Variants in KCNMA1 observed in about 807,000 individuals in gnomAD.
KCNMA1 encodes potassium calcium-activated channel subfamily M alpha 1.
A neutral mutation model predicts 140.0 loss-of-function variants in KCNMA1; 29 were observed. That is an observed-to-expected ratio of 0.21 (90% CI 0.15 to 0.28). KCNMA1 has a LOEUF of 0.28. Among genes scored for constraint, KCNMA1 ranks in the 10% least tolerant of loss-of-function variants. The pLI is 1.00. For synonymous variants in KCNMA1, 612 were observed against 611.9 expected, an observed-to-expected ratio of 1.00 and a Z score of 0.00; for missense variants, 880 against 1,602.2, an observed-to-expected ratio of 0.55 and a Z score of 7.70.
intron 1 of KCNMA1, among the ~76,000 whole-genome samples, chr10:77,437,124 A>G (rs2097282353): frequency 6.6e-6 from 1 of 152,136 alleles, no homozygotes; most frequent in East Asian, 1.9e-4. Context: ...CTTGACCACC[A>G]GACAGAGCAC....
intron 2 of KCNMA1, among the ~76,000 whole-genome samples, chr10:77,283,096 G>C (rs796330688): frequency 1.3e-5 from 2 of 152,278 alleles, no homozygotes; most frequent in Admixed American, 6.5e-5. Flanking sequence ...CCTTTACCTA[G>C]TTTTTGGTGC....
At chr10:76,972,904 G>T (rs141496140) in intron 19 of KCNMA1, 1 of 152,120 alleles carries the variant, frequency 6.6e-6, no homozygotes, top group African/African-American at 2.4e-5. Flanking sequence ...CCTTTATATG[G>T]ATCCTATCAA....
intron 14 of KCNMA1, among the ~76,000 whole-genome samples, chr10:77,059,737 A>G (rs1339398832): frequency 6.6e-6 from 1 of 152,172 alleles, no homozygotes; most frequent in African/African-American, 2.4e-5. Context: ...TCTACAAAAC[A>G]TCTATAGTTC....
At chr10:77,473,137 A>G (rs2098202372) in intron 1 of KCNMA1, among the ~76,000 whole-genome samples, 1 of 152,182 alleles carries the variant, frequency 6.6e-6, no homozygotes, top group African/African-American at 2.4e-5. Flanking sequence ...CCCTGATTCC[A>G]AAGTGCAGGT....
At chr10:77,339,200 T>A (rs1472291311) in intron 2 of KCNMA1, among the ~76,000 whole-genome samples, 1 of 151,982 alleles carries the variant, frequency 6.6e-6, no homozygotes, top group Non-Finnish European at 1.5e-5. Context: ...GGCAGGCTCT[T>A]CCATGCCCAT....
chr10:77,089,396 C>G (rs1436404479), intron 10 of KCNMA1, among the ~76,000 whole-genome samples: 4 of 152,126 alleles, frequency 2.6e-5, no homozygotes, highest in Non-Finnish European at 1.5e-5. Context: ...CCATGACAGC[C>G]CCATCTCCAT....
Position 76,887,303 on chromosome 10 carries a change from C to G in KCNMA1, c.3674G>C (p.Arg1225Pro). The G allele has an allele frequency of 3.7e-6, 6 of 1,614,084 alleles. No homozygotes were observed. Among genetic ancestry groups the G allele is most frequent in the Non-Finnish European group, 5.1e-6 (6 of 1,180,010 alleles). ...RQNRPKSRESRDKQKYVQEER... is the reference protein window; with the variant it reads ...RQNRPKSRESPDKQKYVQEER... The stretch of plus-strand genomic sequence containing the variant: ...TTCCTGCACGTACTTCTGTTTGTCC[C>G]GGGACTCCCTGGACTTGGGCCGGTT... The change falls in exon 28 of 28, where the codon CGG becomes CCG. Residue 1225 changes from arginine (R) to proline (P), a missense_variant. By Grantham distance (103) the Arg-to-Pro change is moderately radical. Around this residue, in one of 13 missense-constraint regions of KCNMA1, gnomAD observed 115 missense variants for 139.9 expected, o/e 0.82. Coordinates refer to ENST00000286628, the MANE Select transcript of KCNMA1 (RefSeq NM_001161352.2).
chr10:77,280,949 A>C (rs1470633955), intron 2 of KCNMA1, among the ~76,000 whole-genome samples: 1 of 152,188 alleles, frequency 6.6e-6, no homozygotes, highest in Non-Finnish European at 1.5e-5. Context: ...GTGAAAATTA[A>C]TTTTTAATAC....
At chr10:76,964,396 T>C (rs1302999581) in intron 20 of KCNMA1, among the ~76,000 whole-genome samples, 4 of 152,172 alleles carry the variant, frequency 2.6e-5, no homozygotes, top group Admixed American at 2.6e-4. Context: ...TCATCAGTCC[T>C]ACAGGAGGTT....
chr10:76,920,707 C>T (rs1413031207), intron 23 of KCNMA1, among the ~76,000 whole-genome samples: 4 of 152,218 alleles, frequency 2.6e-5, no homozygotes, highest in South Asian at 2.1e-4. Context: ...CCCTGGGAGC[C>T]GCAGCCAGGC....
intron 5 of KCNMA1, among the ~76,000 whole-genome samples, chr10:77,134,216 G>A (rs1245439357): frequency 6.6e-6 from 1 of 151,984 alleles, no homozygotes; most frequent in Non-Finnish European, 1.5e-5. Flanking sequence ...TGAAATACAG[G>A]CTCTGCCACC....
At chr10:77,278,653 C>A (rs1435874860) in intron 2 of KCNMA1, among the ~76,000 whole-genome samples, 1 of 152,034 alleles carries the variant, frequency 6.6e-6, no homozygotes, top group Non-Finnish European at 1.5e-5. Context: ...TATGCGGTCA[C>A]CAAAAGCAAA....
chr10:76,981,418 T>G, intron 19 of KCNMA1, among the ~76,000 whole-genome samples: 1 of 152,254 alleles, frequency 6.6e-6, no homozygotes, highest in South Asian at 2.1e-4. Context: ...CAAGAACAAA[T>G]GAAAGACAGA....
chr10:77,116,689 A>C (rs2097479610), intron 6 of KCNMA1, among the ~76,000 whole-genome samples: 1 of 152,122 alleles, frequency 6.6e-6, no homozygotes, highest in African/African-American at 2.4e-5. Context: ...TCCCTTAATT[A>C]TCTCTAGATC....
chr10:77,497,944 T>C (rs1030708704), intron 1 of KCNMA1, among the ~76,000 whole-genome samples: 4 of 152,196 alleles, frequency 2.6e-5, no homozygotes, highest in Non-Finnish European at 5.9e-5. Flanking sequence ...ACAAATACCA[T>C]GGCAACAAGA....
intron 13 of KCNMA1, among the ~76,000 whole-genome samples, chr10:77,075,409 CA>C (rs1170678086): frequency 6.6e-6 from 1 of 152,190 alleles, no homozygotes; most frequent in Non-Finnish European, 1.5e-5. Flanking sequence ...ACAAGTCAAG[CA>C]TTGTGTGTGA....
chr10:77,001,548 C>G lies in KCNMA1; in HGVS notation c.2125G>C (p.Ala709Pro). The G allele has an allele frequency of 6.4e-7, 1 of 1,552,090 alleles. No individual in the cohort carries two copies. Among genetic ancestry groups the G allele is most frequent in the Non-Finnish European group, 8.7e-7 (1 of 1,146,960 alleles). Reference protein sequence around the residue: ...KMSIYKRMRRACCFDCGRSER... With the variant: ...KMSIYKRMRRPCCFDCGRSER... ...GAACGTCCGCAATCAAAACAACATG[C>G]CCGTCTCATTCTCTTGTAGATGGAC... is the stretch of plus-strand genomic sequence containing the variant. Residue 709 changes from alanine (A) to proline (P), a missense_variant, in exon 19 of 28, where the codon GCA becomes CCA. By Grantham distance (27) the Ala-to-Pro change is conservative (BLOSUM62 -1). This residue lies in a region of KCNMA1 where 196 missense variants were observed against 233.0 expected (regional missense o/e 0.84). Transcript: ENST00000286628.
At chr10:77,474,780 C>T (rs544463579) in intron 1 of KCNMA1, among the ~76,000 whole-genome samples, 5 of 152,232 alleles carry the variant, frequency 3.3e-5, no homozygotes, top group South Asian at 2.1e-4. Context: ...TTGGCCTGGC[C>T]GGGAGAGCTG....
intron 5 of KCNMA1, among the ~76,000 whole-genome samples, chr10:77,147,017 G>T (rs2098314949): frequency 6.6e-6 from 1 of 152,196 alleles, no homozygotes; most frequent in Non-Finnish European, 1.5e-5. Flanking sequence ...GGCAGAGGGG[G>T]CCAGGCACAG....
Sources: allele counts gnomAD v4.1 joint callset (sites outside exome capture counted in the v4.1 genomes callset), GRCh38; gene constraint gnomAD v4.1.1; regional missense constraint gnomAD v4.1.1; transcripts MANE v1.5; gene names NCBI Gene and HGNC (gene_info 2026-07-23, HGNC 2026-07-21).